Variants in GALNT1 observed in about 807,000 individuals in gnomAD.
The protein encoded by GALNT1 is GalNAc transferase 1.
Under a neutral mutation model 65.7 loss-of-function variants are expected in GALNT1, and 17 were observed. The observed-to-expected ratio is 0.26, with a 90% CI of 0.18 to 0.39. GALNT1 has a LOEUF of 0.39. Among genes scored for constraint, GALNT1 ranks in the 10% least tolerant of loss-of-function variants. GALNT1 has a pLI of 1.00. For synonymous variants in GALNT1, 210 were observed against 219.7 expected, an observed-to-expected ratio of 0.96 and a Z score of 0.39; for missense variants, 460 against 672.8, an observed-to-expected ratio of 0.68 and a Z score of 3.50.
chr18:35,677,800 G>A, intron 4 of GALNT1, 43 bp downstream of exon 4: 1 of 1,427,818 alleles, frequency 7.0e-7, no homozygotes, highest in Non-Finnish European at 9.6e-7. Flanking sequence ...TACACCTTTT[G>A]TCACTAACGG....
intron 1 of GALNT1, among the ~76,000 whole-genome samples, chr18:35,604,984 C>G (rs186275643): frequency 5.3e-5 from 8 of 152,292 alleles, no homozygotes; most frequent in Admixed American, 1.3e-4. Context: ...GGATGTTGCC[C>G]TGAATAAGCT....
At chr18:35,643,883 A>G (rs1413987099) in intron 1 of GALNT1, among the ~76,000 whole-genome samples, 1 of 151,846 alleles carries the variant, frequency 6.6e-6, no homozygotes, top group Admixed American at 6.6e-5. Context: ...TTGGGATGCA[A>G]ATTTGTAGGG....
At chr18:35,651,666 T>G (rs1486299074) in intron 1 of GALNT1, among the ~76,000 whole-genome samples, 1 of 152,198 alleles carries the variant, frequency 6.6e-6, no homozygotes, top group Non-Finnish European at 1.5e-5. Context: ...TTTCTATCCT[T>G]CATTTTAAGG....
chr18:35,663,902 T>G, intron 3 of GALNT1, 100 bp downstream of exon 3: 3 of 1,059,252 alleles, frequency 2.8e-6, no homozygotes. Flanking sequence ...AGGCAAATGT[T>G]ATATCACTAT....
chr18:35,690,997 C>T lies in GALNT1; in HGVS notation c.979-15C>T. 1 of 1,576,380 alleles carries T rather than the reference C, an allele frequency of 6.3e-7. No individual in the cohort carries two copies. The highest frequency in any genetic ancestry group is 8.6e-7 in the Non-Finnish European group (1 of 1,164,396). ...ACTCAGCTACATGTTACATGGTCATCTCTGCTGTTTTCAGATTTGGCAGTG... is the reference window on the plus strand; with the variant it reads ...ACTCAGCTACATGTTACATGGTCATTTCTGCTGTTTTCAGATTTGGCAGTG... On this transcript the variant is annotated splice_polypyrimidine_tract_variant and intron_variant, in intron 7 of 11. Coordinates refer to ENST00000269195, the MANE Select transcript of GALNT1 (RefSeq NM_020474.4).
At chr18:35,631,341 C>G (rs2047006204) in intron 1 of GALNT1, among the ~76,000 whole-genome samples, 1 of 152,090 alleles carries the variant, frequency 6.6e-6, no homozygotes, top group African/African-American at 2.4e-5. Context: ...AGCAGCACAT[C>G]AAAAAGCTTA....
chr18:35,676,877 C>A (rs1485727809), intron 3 of GALNT1, among the ~76,000 whole-genome samples: 1 of 152,110 alleles, frequency 6.6e-6, no homozygotes, highest in Non-Finnish European at 1.5e-5. Flanking sequence ...TGGAAACATA[C>A]AATTATTATG....
At chr18:35,610,173 G>A (rs1032618570) in intron 1 of GALNT1, among the ~76,000 whole-genome samples, 7 of 152,208 alleles carry the variant, frequency 4.6e-5, no homozygotes, top group Non-Finnish European at 2.9e-5. Context: ...GTGGTTGGAT[G>A]TGAATGAAGA....
At chr18:35,635,860 ATTAAC>A (rs763472323) in intron 1 of GALNT1, among the ~76,000 whole-genome samples, 4 of 152,158 alleles carry the variant, frequency 2.6e-5, no homozygotes, top group Admixed American at 6.5e-5. Flanking sequence ...ATACAAAAAT[ATTAAC>A]TTAAAGACAG....
chr18:35,670,817 A>G (rs2144522274), intron 3 of GALNT1, among the ~76,000 whole-genome samples: 1 of 152,340 alleles, frequency 6.6e-6, no homozygotes, highest in African/African-American at 2.4e-5. Context: ...ACATACTTGA[A>G]CACTTGGTTT....
At chr18:35,588,947 CT>C (rs2046411510) in intron 1 of GALNT1, among the ~76,000 whole-genome samples, 1 of 152,096 alleles carries the variant, frequency 6.6e-6, no homozygotes, top group Admixed American at 6.5e-5. Flanking sequence ...CATCCTGGCT[CT>C]TGGTATGATG....
chr18:35,693,501 A>C (rs758184892), intron 9 of GALNT1, among the ~76,000 whole-genome samples: 5 of 152,234 alleles, frequency 3.3e-5, no homozygotes, highest in Non-Finnish European at 5.9e-5. Context: ...CCACTAGAAA[A>C]GGATCACATT....
intron 3 of GALNT1, among the ~76,000 whole-genome samples, chr18:35,670,645 C>T (rs2047621440): frequency 6.6e-6 from 1 of 152,146 alleles, no homozygotes; most frequent in Non-Finnish European, 1.5e-5. Context: ...CAAGTTGATT[C>T]TCAAATGTGA....
intron 3 of GALNT1, among the ~76,000 whole-genome samples, chr18:35,673,568 G>A (rs1598802122): frequency 6.6e-6 from 1 of 152,250 alleles, no homozygotes; most frequent in South Asian, 2.1e-4. Context: ...AAAGTCAGGA[G>A]GACCCTTTCA....
At chr18:35,673,452 C>T (rs2047663549) in intron 3 of GALNT1, among the ~76,000 whole-genome samples, 1 of 152,188 alleles carries the variant, frequency 6.6e-6, no homozygotes, top group Non-Finnish European at 1.5e-5. Context: ...GCCTCAGTTT[C>T]CTCATCTGTA....
chr18:35,648,126 GGGAA>G (rs1181795007), intron 1 of GALNT1, among the ~76,000 whole-genome samples: 51 of 147,294 alleles, frequency 3.5e-4, no homozygotes, highest in African/African-American at 9.5e-4. Flanking sequence ...GAAAGAGGGA[GGGAA>G]GGAAGGAAGG....
intron 3 of GALNT1, among the ~76,000 whole-genome samples, chr18:35,669,859 C>CT: frequency 6.6e-6 from 1 of 152,130 alleles, no homozygotes; most frequent in South Asian, 2.1e-4. Flanking sequence ...AAAGAACTCA[C>CT]TGTTATGAGG....
intron 1 of GALNT1, among the ~76,000 whole-genome samples, chr18:35,613,604 C>T (rs548627394): frequency 2.0e-5 from 3 of 152,180 alleles, no homozygotes; most frequent in South Asian, 2.1e-4. Context: ...GGGTACCAGA[C>T]GGTGTCTAGG....
At chr18:35,661,317 G>A (rs2047473880) in intron 2 of GALNT1, among the ~76,000 whole-genome samples, 1 of 151,998 alleles carries the variant, frequency 6.6e-6, no homozygotes, top group South Asian at 2.1e-4. Flanking sequence ...TGGCCAACAT[G>A]GTGAAACCCC....
Sources: allele counts gnomAD v4.1 joint callset (sites outside exome capture counted in the v4.1 genomes callset), GRCh38; gene constraint gnomAD v4.1.1; transcripts MANE v1.5; gene names NCBI Gene and HGNC (gene_info 2026-07-23, HGNC 2026-07-21).